JAK2: variants seen among roughly 807,000 people sequenced by gnomAD.
JAK2 encodes the protein Janus kinase 2, also known as tyrosine-protein kinase JAK2.
In JAK2, 86 loss-of-function variants were observed where a neutral mutation model predicts 139.3. The ratio of observed to expected loss-of-function variants is 0.62; its 90% CI spans 0.52 to 0.74. JAK2 has a LOEUF of 0.74. JAK2 is among the 30% of genes least tolerant of loss of function. The probability of loss-of-function intolerance (pLI) is 0.00; values close to 1 mark genes in which losing one functional copy is unlikely to be tolerated. For synonymous variants in JAK2, 490 were observed against 437.7 expected (o/e 1.12, Z -1.49); for missense variants, 1,421 against 1,360.3 (o/e 1.04, Z -0.70).
chr9:5,119,813 T>C (rs577606440), intron 22 of JAK2, among the ~76,000 whole-genome samples: 1 of 152,326 alleles, frequency 6.6e-6, no homozygotes, highest in Non-Finnish European at 1.5e-5. Context: ...ACAAAAAATA[T>C]ATACTGCTAA....
intron 19 of JAK2, 39 bp downstream of exon 19, chr9:5,081,900 T>A (rs370918805): frequency 7.7e-5 from 118 of 1,527,364 alleles, no homozygotes; most frequent in Middle Eastern, 1.7e-4. Flanking sequence ...GTATAATCAT[T>A]TCATTTAGGA....
At chr9:5,080,104 A>G (rs1475088642) in intron 16 of JAK2, 125 bp from the exon 17 acceptor site, 13 of 722,760 alleles carry the variant, frequency 1.8e-5, no homozygotes, top group African/African-American at 3.6e-5. Context: ...TGCACATCCA[A>G]CCCCTCCAAA....
At chr9:5,058,342 A>C (rs1262564420) in intron 8 of JAK2, among the ~76,000 whole-genome samples, 2 of 152,182 alleles carry the variant, frequency 1.3e-5, no homozygotes, top group Non-Finnish European at 2.9e-5. Context: ...GGTGAAGGGC[A>C]AGGAAGCCAT....
intron 4 of JAK2, among the ~76,000 whole-genome samples, chr9:5,037,794 C>G (rs374321352): frequency 9.8e-4 from 149 of 152,234 alleles, no homozygotes; most frequent in African/African-American, 3.4e-3. Context: ...CAACATGGCA[C>G]ATGTATACAT....
At chr9:4,992,369 C>T (rs1820304881) in intron 2 of JAK2, among the ~76,000 whole-genome samples, 1 of 152,134 alleles carries the variant, frequency 6.6e-6, no homozygotes, top group Non-Finnish European at 1.5e-5. Flanking sequence ...TAACTTCTGC[C>T]ATGTCCTACT....
intron 2 of JAK2, among the ~76,000 whole-genome samples, chr9:5,000,445 A>G (rs1200215599): frequency 6.6e-6 from 1 of 152,232 alleles, no homozygotes; most frequent in Non-Finnish European, 1.5e-5. Context: ...ATGTTTATGT[A>G]GTTTAAAGGA....
intron 3 of JAK2, among the ~76,000 whole-genome samples, chr9:5,024,200 G>C (rs759668523): frequency 6.6e-6 from 1 of 152,152 alleles, no homozygotes. Flanking sequence ...AGCTTGCAGT[G>C]AGCCGAGATT....
At chr9:5,125,150 C>A (rs1267071255) in intron 23 of JAK2, among the ~76,000 whole-genome samples, 2 of 150,998 alleles carry the variant, frequency 1.3e-5, no homozygotes, top group South Asian at 2.1e-4. Flanking sequence ...TCAGAGAAGA[C>A]CACCTCAATA....
chr9:5,028,688 A>C (rs918818231), intron 3 of JAK2, among the ~76,000 whole-genome samples: 1 of 152,186 alleles, frequency 6.6e-6, no homozygotes, highest in African/African-American at 2.4e-5. Flanking sequence ...CCTCTCCATC[A>C]ACACTTGCTG....
Position 5,069,198 on chromosome 9 carries a change from A to G in JAK2, c.1503A>G (p.Pro501=). ...IIFQFTKCCP[P]KPKDKSNLLV... Reference sequence around the variant, plus strand: ...TCCAGTTTACTAAATGCTGTCCCCCAAAGCCAAAAGGTAAGATAATTTTCT... The same window carrying G: ...TCCAGTTTACTAAATGCTGTCCCCCGAAGCCAAAAGGTAAGATAATTTTCT... Residue 501 remains proline (P), a synonymous_variant, in exon 11 of 25, where the codon CCA becomes CCG. Transcript: ENST00000381652. 1 of 1,600,114 alleles carries G rather than the reference A, an allele frequency of 6.2e-7. No individual in the cohort carries two copies. Among genetic ancestry groups the G allele is most frequent in the Non-Finnish European group, 8.5e-7 (1 of 1,174,258 alleles).
chr9:5,027,784 T>C (rs992672418), intron 3 of JAK2, among the ~76,000 whole-genome samples: 4 of 152,242 alleles, frequency 2.6e-5, no homozygotes, highest in Non-Finnish European at 5.9e-5. Flanking sequence ...GAAACCACTT[T>C]CTTTGCTCAT....
chr9:5,022,055 G>C lies in JAK2; in HGVS notation c.68G>C (p.Gly23Ala), dbSNP rs779030695. ...TCCACCTCTTCTATATATCAGAATG[G>C]TGATATTTCTGGAAATGCCAATTCT... ...GTSTSSIYQN[G>A]DISGNANSMK... Residue 23 changes from glycine (G) to alanine (A), a missense_variant, in exon 3 of 25, where the codon GGT becomes GCT. Transcript: ENST00000381652. 6.2e-7 allele frequency: 1 copy of C among 1,614,058 alleles called. No homozygotes were observed. Among genetic ancestry groups the C allele is most frequent in the East Asian group, 2.2e-5 (1 of 44,884 alleles).
intron 22 of JAK2, among the ~76,000 whole-genome samples, chr9:5,093,166 A>T (rs1050343531): frequency 4.6e-5 from 7 of 152,230 alleles, no homozygotes; most frequent in African/African-American, 1.7e-4. Context: ...CTGACAGTTA[A>T]CAGCTAGATA....
rs1457005448 is a variant in JAK2 at position 5,128,290 on chromosome 9, T to TAAAGC, written c.*1501_*1505dup. The TAAAGC allele has an allele frequency of 1.3e-5, 3 of 226,454 alleles. No individual in the cohort carries two copies. Among genetic ancestry groups the TAAAGC allele is most frequent in the African/African-American group, 6.7e-5 (3 of 44,886 alleles). 14.0% of individuals were successfully genotyped at this position (226,454 alleles called of 1,614,324 possible). A position where few individuals can be genotyped will look rare whatever the true frequency, so the allele number is the denominator to read the frequency against. ...TGTTTTTTACATTCATTATTATACT[T>TAAAGC]AAAGCATTTTTAAAGCATTTTAATA... On this transcript the variant is annotated 3_prime_UTR_variant, in exon 25 of 25. Transcript: ENST00000381652.
intron 22 of JAK2, among the ~76,000 whole-genome samples, chr9:5,092,950 A>G (rs765647997): frequency 2.0e-5 from 3 of 152,180 alleles, no homozygotes; most frequent in Admixed American, 6.5e-5. Context: ...ACAAAATAAC[A>G]TCGCCATAGT....
intron 22 of JAK2, among the ~76,000 whole-genome samples, chr9:5,092,665 TA>T (rs1189361207): frequency 6.6e-6 from 1 of 152,014 alleles, no homozygotes; most frequent in Non-Finnish European, 1.5e-5. Context: ...TAAGTAGAAA[TA>T]ACTTTACACA....
chr9:5,081,578 C>A (rs1034391638), intron 18 of JAK2, 147 bp from the exon 19 acceptor site: 2 of 590,782 alleles, frequency 3.4e-6, no homozygotes, highest in South Asian at 4.7e-5. Context: ...TAAAGGCTCC[C>A]ATTAATATAA....
At chr9:5,049,120 C>T (rs1193397134) in intron 5 of JAK2, among the ~76,000 whole-genome samples, 2 of 152,162 alleles carry the variant, frequency 1.3e-5, no homozygotes, top group Non-Finnish European at 2.9e-5. Flanking sequence ...TTAGTATCTT[C>T]TGTTTCCTGG....
intron 8 of JAK2, among the ~76,000 whole-genome samples, chr9:5,064,154 T>TGGGCGG (rs1356441020): frequency 6.7e-6 from 1 of 149,106 alleles, no homozygotes; most frequent in African/African-American, 2.5e-5. Context: ...AGACTCTGAC[T>TGGGCGG]GGGCGGGGGC....
Sources: gnomAD v4.1 joint callset for allele counts (sites outside exome capture counted in the v4.1 genomes callset) on GRCh38, gnomAD v4.1.1 for gene constraint, MANE v1.5 for transcripts, NCBI Gene and HGNC (gene_info 2026-07-23, HGNC 2026-07-21) for gene names.